Variants in EFCAB6 observed in about 807,000 individuals in gnomAD.
EFCAB6 encodes the protein EF-hand calcium-binding domain-containing protein 6.
Under a neutral mutation model 169.8 loss-of-function variants are expected in EFCAB6, and 156 were observed. The ratio of observed to expected loss-of-function variants is 0.92; its 90% confidence interval spans 0.81 to 1.05. The LOEUF (loss-of-function observed/expected upper bound fraction) is 1.05, where lower values mean the gene tolerates loss of function less well. Among genes scored for constraint, EFCAB6 ranks in the 50% least tolerant of loss-of-function variants. EFCAB6 has a pLI of 0.00. For synonymous variants in EFCAB6, 698 were observed against 676.4 expected, an observed-to-expected ratio of 1.03 and a Z score of -0.50; for missense variants, 1,800 against 1,829.1, an observed-to-expected ratio of 0.98 and a Z score of 0.29.
chr22:43,669,183 A>G, intron 15 of EFCAB6, 138 bp from the exon 16 acceptor site: 3 of 674,512 alleles, frequency 4.4e-6, no homozygotes, highest in Non-Finnish European at 6.7e-6. Context: ...TGGTACAACC[A>G]CTCCATTCTT....
At chr22:43,780,974 G>A (rs2061804601) in intron 3 of EFCAB6, among the ~76,000 whole-genome samples, 1 of 152,210 alleles carries the variant, frequency 6.6e-6, no homozygotes, top group Non-Finnish European at 1.5e-5. Flanking sequence ...GCGTCTTACG[G>A]CATTTGGCTC....
intron 27 of EFCAB6, chr22:43,552,561 G>T (rs149837739): frequency 1.3e-5 from 2 of 152,306 alleles, no homozygotes; most frequent in East Asian, 3.9e-4. Context: ...AATGCTCAGT[G>T]ATGTTGAGCT....
intron 6 of EFCAB6, among the ~76,000 whole-genome samples, chr22:43,751,514 G>C (rs1391901848): frequency 2.0e-5 from 3 of 152,208 alleles, no homozygotes; most frequent in Non-Finnish European, 2.9e-5. Context: ...TGAGGTCTCG[G>C]GCGCTGCCAC....
chr22:43,618,075 C>A (rs541102081), intron 20 of EFCAB6, among the ~76,000 whole-genome samples: 1 of 145,932 alleles, frequency 6.9e-6, no homozygotes, highest in South Asian at 2.2e-4. Flanking sequence ...GTACTCCAGC[C>A]TGGGTGACAG....
At chr22:43,737,123 C>T (rs1251137506) in intron 6 of EFCAB6, among the ~76,000 whole-genome samples, 2 of 152,126 alleles carry the variant, frequency 1.3e-5, no homozygotes, top group African/African-American at 2.4e-5. Flanking sequence ...CCCAACTCAC[C>T]GCCTCTTCCA....
At chr22:43,805,773 T>G (rs1009946874) in intron 2 of EFCAB6, among the ~76,000 whole-genome samples, 1 of 152,228 alleles carries the variant, frequency 6.6e-6, no homozygotes, top group African/African-American at 2.4e-5. Context: ...ACTGATTTGA[T>G]CTTTACAAAT....
rs113164409 is a variant in EFCAB6, at chr22:43,795,479, G to C, written c.-7-13154C>G. Among the ~76,000 whole-genome samples, 1 of 151,922 alleles carries C rather than the reference G, an allele frequency of 6.6e-6. No individual in the cohort carries two copies. Among genetic ancestry groups the C allele is most frequent in the East Asian group, 1.9e-4 (1 of 5,176 alleles). On this transcript the variant is annotated intron_variant, in intron 2 of 31. Coordinates refer to ENST00000262726, the MANE Select transcript of EFCAB6 (RefSeq NM_022785.4). The surrounding 1 kb of genome is among the most constrained non-coding windows in gnomAD (Gnocchi z 4.2). ...CTCCTGCCCACATCTCCCCTCTCAC[G>C]GCCCCATGGGTCCCTCGGCCCTGCT...
At chr22:43,542,939 G>A (rs1043817797) in intron 27 of EFCAB6, among the ~76,000 whole-genome samples, 5 of 152,158 alleles carry the variant, frequency 3.3e-5, no homozygotes, top group Non-Finnish European at 5.9e-5. Flanking sequence ...GTCTGCGCAC[G>A]CTCAATCATC....
At chr22:43,578,979 C>T (rs751222706) in intron 25 of EFCAB6, among the ~76,000 whole-genome samples, 54 of 149,528 alleles carry the variant, frequency 3.6e-4, no homozygotes, top group Non-Finnish European at 1.6e-4. Flanking sequence ...GGCATCATTC[C>T]GTACACGCAG....
chr22:43,786,649 GTT>G (rs969592482), intron 2 of EFCAB6, among the ~76,000 whole-genome samples: 2 of 152,042 alleles, frequency 1.3e-5, no homozygotes, highest in African/African-American at 2.4e-5. Flanking sequence ...AGGAGGCAGA[GTT>G]TGCACTGAGC....
At chr22:43,648,037 C>G (rs2056273412) in intron 17 of EFCAB6, among the ~76,000 whole-genome samples, 1 of 152,088 alleles carries the variant, frequency 6.6e-6, no homozygotes, top group Non-Finnish European at 1.5e-5. Flanking sequence ...TTTCCTAACC[C>G]TAACCCTATT....
chr22:43,751,195 A>G (rs1038119378), intron 6 of EFCAB6, among the ~76,000 whole-genome samples: 1 of 152,052 alleles, frequency 6.6e-6, no homozygotes, highest in African/African-American at 2.4e-5. Context: ...TGAAGAACGT[A>G]TTTTTTTTGT....
At chr22:43,555,257 C>T (rs1292796890) in intron 26 of EFCAB6, among the ~76,000 whole-genome samples, 161 bp from the exon 27 acceptor site, 2 of 152,190 alleles carry the variant, frequency 1.3e-5, no homozygotes, top group Non-Finnish European at 2.9e-5. Flanking sequence ...AGCCTCCAGC[C>T]CCAGGTCAGG....
intron 2 of EFCAB6, among the ~76,000 whole-genome samples, chr22:43,806,124 C>T (rs2062910043): frequency 6.8e-6 from 1 of 147,678 alleles, no homozygotes; most frequent in Admixed American, 6.8e-5. Flanking sequence ...CGAGATCATA[C>T]CACTGCACTC....
intron 6 of EFCAB6, among the ~76,000 whole-genome samples, chr22:43,754,055 A>T (rs1015826): frequency 6.6e-6 from 1 of 152,118 alleles, no homozygotes; most frequent in Admixed American, 6.5e-5. Context: ...CTACTGCACA[A>T]AGCACACAGT....
rs774993568 is a variant in EFCAB6, at chr22:43,600,133, GC to G, written c.2811del (p.Lys937AsnfsTer9). 5 of 1,614,094 alleles carry G rather than the reference GC, an allele frequency of 3.1e-6. No individual in the cohort carries two copies. The South Asian group carries it at 5.5e-5, about 18-fold the overall frequency. On this transcript the variant is annotated frameshift_variant, in exon 23 of 32. Coordinates refer to ENST00000262726, the MANE Select transcript of EFCAB6 (RefSeq NM_022785.4). LOFTEE classifies it high-confidence loss of function. The part of the protein sequence containing the change: ...DYFNFMGHFT[K>X]PQQLQEEMKE... ...TTCATCTCTTCCTGTAGCTGCTGTG[GC>G]TTTGTAAAATGACCCATGAAGTTGA...
chr22:43,578,373 G>C (rs1356159332), intron 25 of EFCAB6, among the ~76,000 whole-genome samples: 3 of 152,184 alleles, frequency 2.0e-5, no homozygotes, highest in Non-Finnish European at 4.4e-5. Context: ...GTTCACTGTG[G>C]GGATTGAGAG....
chr22:43,683,929 C>A, intron 11 of EFCAB6, 74 bp from the exon 12 acceptor site: 1 of 1,104,304 alleles, frequency 9.1e-7, no homozygotes, highest in South Asian at 1.3e-5. Context: ...ATGCAAGAAA[C>A]AAGCACCCTC....
intron 8 of EFCAB6, among the ~76,000 whole-genome samples, chr22:43,720,199 T>C (rs936778343): frequency 1.3e-5 from 2 of 151,750 alleles, no homozygotes; most frequent in Admixed American, 1.3e-4. Context: ...AAATGAAGAC[T>C]AGGCCGGGTT....
Sources: gnomAD v4.1 joint callset for allele counts (sites outside exome capture counted in the v4.1 genomes callset) on GRCh38, gnomAD v4.1.1 for gene constraint, Gnocchi (gnomAD v3.1) non-coding constraint, MANE v1.5 for transcripts, NCBI Gene and HGNC (gene_info 2026-07-23, HGNC 2026-07-21) for gene names.